MYH15: variants seen among roughly 807,000 people sequenced by gnomAD.
MYH15 encodes myosin heavy chain 15.
A neutral mutation model predicts 240.5 loss-of-function variants in MYH15; 227 were observed. The ratio of observed to expected loss-of-function variants is 0.94; its 90% CI spans 0.85 to 1.05. The LOEUF (loss-of-function observed/expected upper bound fraction) is 1.05. Among genes scored for constraint, MYH15 ranks in the 50% least tolerant of loss-of-function variants. The probability of loss-of-function intolerance (pLI) is 0.00; values close to 1 mark genes in which losing one functional copy is unlikely to be tolerated. For missense variants in MYH15, 2,217 were observed against 2,247.5 expected, an observed-to-expected ratio of 0.99 and a Z score of 0.27; for synonymous variants, 785 against 796.7, an observed-to-expected ratio of 0.99 and a Z score of 0.25.
At chr3:108,430,986 G>A in intron 25 of MYH15, 64 bp from the exon 26 acceptor site, 1 of 1,099,744 alleles carries the variant, frequency 9.1e-7, no homozygotes, top group Non-Finnish European at 1.4e-6. Flanking sequence ...AAAGTAGTTA[G>A]AATTGTAATA....
In MYH15 at chr3:108,500,141, T is replaced by A; in HGVS notation, c.473A>T (p.Asn158Ile). 6.2e-7 allele frequency: 1 copy of A among 1,613,904 alleles called. No homozygotes were observed. Among genetic ancestry groups the A allele is most frequent in the Non-Finnish European group, 8.5e-7 (1 of 1,179,914 alleles). Reference sequence around the variant, plus strand: ...ACTGTGAAGCATGTCCTGAAAGGCGTTATTGGCAACAGCAAAGATGTGAGG... The same window carrying A: ...ACTGTGAAGCATGTCCTGAAAGGCGATATTGGCAACAGCAAAGATGTGAGG... ...APPHIFAVAN[N>I]AFQDMLHNRE... The change falls in exon 4 of 41, where the codon AAC becomes ATC. Residue 158 changes from asparagine to isoleucine, a missense_variant. Transcript: ENST00000693548.
intron 24 of MYH15, among the ~76,000 whole-genome samples, chr3:108,438,758 C>A (rs974445869): frequency 1.3e-5 from 2 of 152,134 alleles, no homozygotes; most frequent in Admixed American, 6.5e-5. Flanking sequence ...GACTTCCCAG[C>A]CTCCAGAACT....
intron 27 of MYH15, among the ~76,000 whole-genome samples, chr3:108,423,034 T>C (rs1386823221): frequency 3.9e-5 from 6 of 152,100 alleles, no homozygotes; most frequent in African/African-American, 1.4e-4. Context: ...CACAGACAAT[T>C]TGAATGGTGA....
chr3:108,539,544 A>G, the MYH15 span, among the ~76,000 whole-genome samples: 1 of 152,212 alleles, frequency 6.6e-6, no homozygotes, highest in Admixed American at 6.5e-5. Context: ...AAAATAAATA[A>G]ATAGATAAAC....
At chr3:108,473,975 C>T (rs2083198396) in intron 12 of MYH15, among the ~76,000 whole-genome samples, 2 of 152,286 alleles carry the variant, frequency 1.3e-5, no homozygotes, top group South Asian at 2.1e-4. Context: ...AGAACTGTCC[C>T]ATCTTAAATG....
intron 16 of MYH15, among the ~76,000 whole-genome samples, chr3:108,461,515 C>A (rs1198613431): frequency 6.6e-6 from 1 of 152,106 alleles, no homozygotes; most frequent in Non-Finnish European, 1.5e-5. Flanking sequence ...CAATTCTTGT[C>A]TTTTAGTTCC....
chr3:108,457,322 G>C (rs2083031404), intron 18 of MYH15, among the ~76,000 whole-genome samples: 2 of 152,152 alleles, frequency 1.3e-5, no homozygotes, highest in African/African-American at 4.8e-5. Context: ...TAAAAGGAAA[G>C]GGGAAGATAG....
At chr3:108,511,135 G>A (rs923371614), upstream of MYH15, among the ~76,000 whole-genome samples, 4 of 151,942 alleles carry the variant, frequency 2.6e-5, no homozygotes, top group Admixed American at 6.6e-5. Flanking sequence ...GGGGGGTTTC[G>A]AGGTATCTAA....
intron 29 of MYH15, among the ~76,000 whole-genome samples, chr3:108,414,742 T>C (rs183867456): frequency 1.3e-5 from 2 of 152,338 alleles, no homozygotes; most frequent in East Asian, 3.9e-4. Context: ...ACATTCACTA[T>C]CATTTAGGCA....
rs2083159179 is a variant in MYH15 at position 108,470,114 on chromosome 3, C to G, written c.1482G>C (p.Lys494Asn). ...TAGACACCCATTCAATGCTTTCTTT[C>G]TTATATTCCTCTTGCTCCAGAACAA... is the stretch of plus-strand genomic sequence containing the variant. Reference protein sequence around the residue: ...HMFVLEQEEYKKESIEWVSIG... With the variant: ...HMFVLEQEEYNKESIEWVSIG... The change falls in exon 14 of 41, where the codon AAG (lysine) becomes AAC (asparagine). Residue 494 changes from lysine (K) to asparagine (N), a missense_variant. Transcript: ENST00000693548. 1 of 1,612,094 alleles carries G rather than the reference C, an allele frequency of 6.2e-7. No homozygotes were observed. Among genetic ancestry groups the G allele is most frequent in the Non-Finnish European group, 8.5e-7 (1 of 1,179,272 alleles).
the MYH15 span, among the ~76,000 whole-genome samples, chr3:108,542,631 G>A: frequency 6.6e-6 from 1 of 152,064 alleles, no homozygotes; most frequent in Non-Finnish European, 1.5e-5. Flanking sequence ...ATGGTGTGCT[G>A]CACAGATCAA....
chr3:108,530,619 G>T (rs1444178815), upstream of MYH15, among the ~76,000 whole-genome samples: 1 of 152,180 alleles, frequency 6.6e-6, no homozygotes, highest in East Asian at 1.9e-4. Flanking sequence ...TCAATTATAA[G>T]ATGTGTACTC....
At chr3:108,454,466 CA>C (rs2083002989) in intron 20 of MYH15, among the ~76,000 whole-genome samples, 1 of 152,202 alleles carries the variant, frequency 6.6e-6, no homozygotes, top group Admixed American at 6.5e-5. Flanking sequence ...TGCAGTGTGC[CA>C]AAGTACCAGG....
chr3:108,500,420 C>T, intron 3 of MYH15, 146 bp from the exon 4 acceptor site: 1 of 836,536 alleles, frequency 1.2e-6, no homozygotes, highest in Non-Finnish European at 1.8e-6. Flanking sequence ...AGAGAAGGGA[C>T]TTCTAACAAG....
chr3:108,492,437 C>T, intron 9 of MYH15, 63 bp downstream of exon 9: 1 of 1,215,260 alleles, frequency 8.2e-7, no homozygotes, highest in Non-Finnish European at 1.2e-6. Context: ...CTTTTTCATC[C>T]CCCAAATATG....
rs1480565646 is a variant in MYH15 at position 108,416,880 on chromosome 3, A to C, written c.3880T>G (p.Ser1294Ala). ...EEKEALINQL[S>A]REKSNFTRQI... Reference sequence around the variant, plus strand: ...CGAGTGAAGTTGCTCTTTTCCCTGGAAAGTTGGTTTATCAGAGCCTCCTTC... The same window carrying C: ...CGAGTGAAGTTGCTCTTTTCCCTGGCAAGTTGGTTTATCAGAGCCTCCTTC... Residue 1294 changes from serine to alanine, a missense_variant, in exon 29 of 41, where the codon TCC becomes GCC. Physicochemically the swap from Ser to Ala is moderately conservative, Grantham distance 99 (BLOSUM62 1). Transcript: ENST00000693548. The C allele has an allele frequency of 8.1e-6, 13 of 1,614,008 alleles. No individual in the cohort carries two copies. The highest frequency in any genetic ancestry group is 9.3e-6 in the Non-Finnish European group (11 of 1,179,976).
At chr3:108,504,912 A>C (rs1025546485) in intron 2 of MYH15, among the ~76,000 whole-genome samples, 1 of 152,200 alleles carries the variant, frequency 6.6e-6, no homozygotes, top group Admixed American at 6.5e-5. Flanking sequence ...CTTTTCTTAC[A>C]AAGGTCATAG....
intron 29 of MYH15, 150 bp downstream of exon 29, chr3:108,416,662 G>A: frequency 1.5e-6 from 1 of 668,138 alleles, no homozygotes; most frequent in South Asian, 2.0e-5. Context: ...AGTCATCAGG[G>A]TTCTTCCTGG....
intron 21 of MYH15, among the ~76,000 whole-genome samples, chr3:108,452,627 A>G (rs992348439): frequency 3.9e-5 from 6 of 152,298 alleles, no homozygotes; most frequent in Middle Eastern, 3.4e-3. Context: ...ATCATGTCAC[A>G]TTTTAAGGAT....
Sources: gnomAD v4.1 joint callset for allele counts (sites outside exome capture counted in the v4.1 genomes callset) on GRCh38, gnomAD v4.1.1 for gene constraint, MANE v1.5 for transcripts, NCBI Gene and HGNC (gene_info 2026-07-23, HGNC 2026-07-21) for gene names.